Variants in UPP2 observed in about 807,000 individuals in gnomAD.
The protein encoded by UPP2 is uridine phosphorylase 2.
A neutral mutation model predicts 26.7 loss-of-function variants in UPP2; 23 were observed. The ratio of observed to expected loss-of-function variants is 0.86; its 90% CI spans 0.62 to 1.22. The LOEUF is 1.22. Ranked by LOEUF, UPP2 falls within the 50% of genes most tolerant of loss-of-function variation. The probability of loss-of-function intolerance (pLI) is 0.00; values close to 1 mark genes in which losing one functional copy is unlikely to be tolerated. For synonymous variants in UPP2, 127 were observed against 141.3 expected (o/e 0.90, Z 0.72); for missense variants, 387 against 396.7 (o/e 0.98, Z 0.21).
chr2:158,017,255 C>A (rs1027368284), intron 3 of UPP2, among the ~76,000 whole-genome samples: 4 of 152,206 alleles, frequency 2.6e-5, no homozygotes, highest in Non-Finnish European at 5.9e-5. Flanking sequence ...AGTTGTAAAA[C>A]TTTTATGGAG....
Position 158,121,597 on chromosome 2 carries a change from T to C in UPP2, c.643T>C (p.Cys215Arg), listed in dbSNP as rs1683569376. 6.2e-7 allele frequency: 1 copy of C among 1,613,036 alleles called. No homozygotes were observed. Among genetic ancestry groups the C allele is most frequent in the African/African-American group, 1.3e-5 (1 of 74,910 alleles). The stretch of plus-strand genomic sequence containing the variant: ...CCCAACCCTCGTTGGACATACAATG[T>C]GTACCTATGATTTTTATGAAGGTGA... Reference protein sequence around the residue: ...NFPTLVGHTMCTYDFYEGQGR... With the variant: ...NFPTLVGHTMRTYDFYEGQGR... The change falls in exon 5 of 7, where the codon TGT becomes CGT. Residue 215 changes from cysteine (C) to arginine (R), a missense_variant. Cys to Arg is a radical substitution (Grantham distance 180). Transcript: ENST00000005756.
intron 3 of UPP2, among the ~76,000 whole-genome samples, chr2:158,096,475 T>A (rs2105206290): frequency 6.6e-6 from 1 of 152,296 alleles, no homozygotes; most frequent in African/African-American, 2.4e-5. Flanking sequence ...GGCACAGGCC[T>A]GTAATCCCAG....
chr2:158,117,977 C>G (rs568741418), intron 4 of UPP2, 39 bp downstream of exon 4: 1 of 1,525,932 alleles, frequency 6.6e-7, no homozygotes, highest in South Asian at 1.1e-5. Flanking sequence ...ACTGAGTGAT[C>G]CTTACATACA....
intron 1 of UPP2, among the ~76,000 whole-genome samples, chr2:158,103,365 G>T (rs1020453222): frequency 1.3e-5 from 2 of 152,166 alleles, no homozygotes; most frequent in African/African-American, 4.8e-5. Flanking sequence ...GCTGGTTGGA[G>T]AATTTCTCCT....
intron 2 of UPP2, among the ~76,000 whole-genome samples, chr2:157,997,340 A>G (rs1683337545): frequency 6.6e-6 from 1 of 152,200 alleles, no homozygotes; most frequent in Non-Finnish European, 1.5e-5. Flanking sequence ...ATTTTATAAT[A>G]TACCATTGAA....
At chr2:158,007,429 CATAACAAA>C (rs945726594) in intron 2 of UPP2, among the ~76,000 whole-genome samples, 28 of 152,054 alleles carry the variant, frequency 1.8e-4, no homozygotes, top group African/African-American at 6.5e-4. Flanking sequence ...CTGACTTCCC[CATAACAAA>C]TTGATCTTGC....
chr2:158,052,709 G>A (rs576116598), intron 3 of UPP2, among the ~76,000 whole-genome samples: 22 of 152,284 alleles, frequency 1.4e-4, no homozygotes, highest in Admixed American at 1.1e-3. Context: ...GGCAGAAGTG[G>A]CTTGTCTTCT....
At chr2:158,001,786 G>A (rs1184453136) in intron 2 of UPP2, among the ~76,000 whole-genome samples, 1 of 152,070 alleles carries the variant, frequency 6.6e-6, no homozygotes, top group Non-Finnish European at 1.5e-5. Flanking sequence ...GGGGAAGATT[G>A]CTAGCCATAG....
In UPP2 at chr2:158,121,549, T is replaced by A; in HGVS notation, c.595T>A (p.Cys199Ser). 1 of 1,613,574 alleles carries A rather than the reference T, an allele frequency of 6.2e-7. No individual in the cohort carries two copies. The highest frequency in any genetic ancestry group is 8.5e-7 in the Non-Finnish European group (1 of 1,179,512). ...AGAACTGTCTGAAGAACTGTTCAACTGTAGCAAAGAAATCCCCAACTTCCC... is the reference window on the plus strand; with the variant it reads ...AGAACTGTCTGAAGAACTGTTCAACAGTAGCAAAGAAATCCCCAACTTCCC... Reference protein sequence around the residue: ...DKELSEELFNCSKEIPNFPTL... With the variant: ...DKELSEELFNSSKEIPNFPTL... Residue 199 changes from cysteine (C) to serine (S), a missense_variant, in exon 5 of 7, where the codon TGT becomes AGT. Coordinates refer to ENST00000005756, the MANE Select transcript of UPP2 (RefSeq NM_173355.4).
chr2:158,063,989 CTAT>C (rs1682395415), intron 3 of UPP2, among the ~76,000 whole-genome samples: 1 of 152,168 alleles, frequency 6.6e-6, no homozygotes, highest in East Asian at 1.9e-4. Flanking sequence ...TTTATCCAGT[CTAT>C]TATTGATGGA....
chr2:158,053,918 A>G (rs564973236), intron 3 of UPP2, among the ~76,000 whole-genome samples: 1 of 152,294 alleles, frequency 6.6e-6, no homozygotes, highest in South Asian at 2.1e-4. Context: ...ACCAGGTTTG[A>G]TGGGACAATG....
At chr2:158,060,459 C>T (rs1682335491) in intron 3 of UPP2, among the ~76,000 whole-genome samples, 1 of 152,152 alleles carries the variant, frequency 6.6e-6, no homozygotes, top group African/African-American at 2.4e-5. Context: ...CCTGCCTCTG[C>T]TTTGAATGTC....
Position 158,135,291 on chromosome 2 carries a change from G to A in UPP2, c.*401G>A, listed in dbSNP as rs1417669347. On this transcript the variant is annotated 3_prime_UTR_variant, in exon 7 of 7. Transcript: ENST00000005756. Reference sequence around the variant, plus strand: ...TCAGGCACTTCTAGGTATTGGACAAGTGACAGAAACTGATCATCCATATTC... The same window carrying A: ...TCAGGCACTTCTAGGTATTGGACAAATGACAGAAACTGATCATCCATATTC... The A allele has an allele frequency of 6.4e-6, 1 of 155,520 alleles. No homozygotes were observed. Among genetic ancestry groups the A allele is most frequent in the Non-Finnish European group, 1.4e-5 (1 of 70,084 alleles). 9.6% of individuals were successfully genotyped at this position (155,520 alleles called of 1,614,324 possible).
At chr2:158,104,143 A>T (rs1255253294) in intron 1 of UPP2, among the ~76,000 whole-genome samples, 1 of 152,226 alleles carries the variant, frequency 6.6e-6, no homozygotes, top group Non-Finnish European at 1.5e-5. Flanking sequence ...GGGGATTCGC[A>T]GTCTTTCTAG....
chr2:158,040,107 G>A (rs1204124177), intron 3 of UPP2, among the ~76,000 whole-genome samples: 1 of 152,212 alleles, frequency 6.6e-6, no homozygotes, highest in Non-Finnish European at 1.5e-5. Context: ...ATTATGAATG[G>A]ATTAATGTAT....
chr2:158,041,973 T>G (rs1684088030), intron 3 of UPP2, among the ~76,000 whole-genome samples: 1 of 152,214 alleles, frequency 6.6e-6, no homozygotes, highest in African/African-American at 2.4e-5. Context: ...GCCTATCTAA[T>G]CCCTGACTTA....
chr2:158,040,650 T>C (rs992084147), intron 3 of UPP2, among the ~76,000 whole-genome samples: 3 of 152,218 alleles, frequency 2.0e-5, no homozygotes, highest in African/African-American at 7.2e-5. Flanking sequence ...AAACATACAC[T>C]TTAATCTAAT....
chr2:158,107,243 C>A (rs762250915), intron 2 of UPP2, among the ~76,000 whole-genome samples: 1 of 152,180 alleles, frequency 6.6e-6, no homozygotes, highest in African/African-American at 2.4e-5. Flanking sequence ...TGGAGAATCG[C>A]GCTGTTTTCA....
At chr2:158,107,618 G>A (rs1163864741) in intron 2 of UPP2, among the ~76,000 whole-genome samples, 1 of 152,028 alleles carries the variant, frequency 6.6e-6, no homozygotes, top group Non-Finnish European at 1.5e-5. Flanking sequence ...GAGGTTGGAG[G>A]CAGAGGAAAA....
Sources: allele counts gnomAD v4.1 joint callset (sites outside exome capture counted in the v4.1 genomes callset), GRCh38; gene constraint gnomAD v4.1.1; transcripts MANE v1.5; gene names NCBI Gene and HGNC (gene_info 2026-07-23, HGNC 2026-07-21).